PRKN: variants seen among roughly 807,000 people sequenced by gnomAD.
The protein encoded by PRKN is E3 ubiquitin-protein ligase parkin.
In PRKN, 56 loss-of-function variants were observed where a neutral mutation model predicts 59.5. That is an observed-to-expected ratio of 0.94 (90% confidence interval 0.76 to 1.18). The LOEUF (loss-of-function observed/expected upper bound fraction) is 1.18, where lower values mean the gene tolerates loss of function less well. PRKN is among the 50% of genes most tolerant of loss of function. The probability of loss-of-function intolerance (pLI) is 0.00; values close to 1 mark genes in which losing one functional copy is unlikely to be tolerated. For missense variants in PRKN, 657 were observed against 596.4 expected, an observed-to-expected ratio of 1.10 and a Z score of -1.06; for synonymous variants, 250 against 222.1, an observed-to-expected ratio of 1.13 and a Z score of -1.12.
chr6:162,726,748 A>G (rs1779222195), intron 1 of PRKN, among the ~76,000 whole-genome samples: 2 of 152,234 alleles, frequency 1.3e-5, no homozygotes, highest in Non-Finnish European at 2.9e-5. Flanking sequence ...GACCCTCCTC[A>G]GGAATAAACA....
chr6:161,805,701 T>C (rs992879963), intron 6 of PRKN, among the ~76,000 whole-genome samples: 4 of 152,216 alleles, frequency 2.6e-5, no homozygotes, highest in African/African-American at 9.6e-5. Context: ...GATTCTGTTT[T>C]CTAGAACACA....
intron 4 of PRKN, among the ~76,000 whole-genome samples, chr6:162,142,231 T>G (rs1781818668): frequency 2.0e-5 from 3 of 152,122 alleles, no homozygotes; most frequent in African/African-American, 4.8e-5. Context: ...CAACCCCAGG[T>G]CATGGGGTTA....
At chr6:162,539,730 G>A (rs1373893079) in intron 1 of PRKN, among the ~76,000 whole-genome samples, 2 of 152,192 alleles carry the variant, frequency 1.3e-5, no homozygotes, top group Non-Finnish European at 1.5e-5. Context: ...AGAAAATACT[G>A]GGCTGCTGAC....
In PRKN at chr6:161,763,010, G is replaced by T. The variant is rs113642201; in HGVS notation, c.871+22762C>A. On this transcript the variant is annotated intron_variant, in intron 7 of 11. Transcript: ENST00000366898. ...AGAGAGCATATAGAAATAAAACCCAGAATAGATGACAGTTTCTTAAGATAA... is the reference window on the plus strand; with the variant it reads ...AGAGAGCATATAGAAATAAAACCCATAATAGATGACAGTTTCTTAAGATAA... Among the ~76,000 whole-genome samples, 5 of 152,260 alleles carry T rather than the reference G, an allele frequency of 3.3e-5. 1 individual carries two copies. The highest frequency in any genetic ancestry group is 1.2e-4 in the African/African-American group (5 of 41,558).
chr6:161,924,694 G>C (rs1317441923), intron 6 of PRKN, among the ~76,000 whole-genome samples: 1 of 152,194 alleles, frequency 6.6e-6, no homozygotes, highest in Non-Finnish European at 1.5e-5. Context: ...CCCAGGGAAA[G>C]TGTTTGCATG....
intron 4 of PRKN, among the ~76,000 whole-genome samples, chr6:162,087,054 C>T (rs1051793478): frequency 6.6e-6 from 1 of 152,322 alleles, no homozygotes; most frequent in Admixed American, 6.5e-5. Context: ...GGACTCACTT[C>T]ATTTAGGGAC....
chr6:162,669,395 G>T (rs116940466), intron 1 of PRKN, among the ~76,000 whole-genome samples: 1,793 of 152,224 alleles, frequency 0.012, 13 homozygotes, highest in South Asian at 0.02. Flanking sequence ...TTTTAAAGAG[G>T]ACTGTTTATT....
At chr6:161,570,653 A>G (rs1184768866) in intron 7 of PRKN, among the ~76,000 whole-genome samples, 1 of 152,180 alleles carries the variant, frequency 6.6e-6, no homozygotes, top group Non-Finnish European at 1.5e-5. Context: ...CTTTAAGAAT[A>G]TAGTATATAA....
At chr6:162,263,495 G>A (rs921784615) in intron 2 of PRKN, among the ~76,000 whole-genome samples, 2 of 152,086 alleles carry the variant, frequency 1.3e-5, no homozygotes, top group African/African-American at 2.4e-5. Flanking sequence ...TCTTTCTGAC[G>A]ATTTAACCAT....
chr6:162,286,847 T>C (rs1781213678), intron 2 of PRKN, among the ~76,000 whole-genome samples: 1 of 152,198 alleles, frequency 6.6e-6, no homozygotes, highest in Non-Finnish European at 1.5e-5. Flanking sequence ...ACAACAAAAC[T>C]GGAGCTCAAA....
chr6:162,146,834 G>A (rs1469705699), intron 4 of PRKN, among the ~76,000 whole-genome samples: 1 of 151,840 alleles, frequency 6.6e-6, no homozygotes, highest in Non-Finnish European at 1.5e-5. Flanking sequence ...GGGCTCAAGT[G>A]ATTCTCTTGA....
intron 1 of PRKN, among the ~76,000 whole-genome samples, chr6:162,607,125 A>G (rs1781952762): frequency 6.6e-6 from 1 of 152,160 alleles, no homozygotes. Flanking sequence ...GTGCCTTTTG[A>G]GACATCCAAA....
rs560999744 is a variant in PRKN at position 161,443,268 on chromosome 6, C to T, written c.1084-56391G>A. Among the ~76,000 whole-genome samples, 3 of 151,012 alleles carry T rather than the reference C, an allele frequency of 2.0e-5. No individual in the cohort carries two copies. In the South Asian group the frequency reaches 6.3e-4, roughly 32 times the overall value. On this transcript the variant is annotated intron_variant, in intron 9 of 11. Transcript: ENST00000366898. Reference sequence around the variant, plus strand: ...GAGGTTGCAGTGAGCCAAGATTATACCACTGCACTCCAGCCTGGGTGACAG... The same window carrying T: ...GAGGTTGCAGTGAGCCAAGATTATATCACTGCACTCCAGCCTGGGTGACAG...
intron 1 of PRKN, among the ~76,000 whole-genome samples, chr6:162,457,375 A>C (rs12661450): frequency 0.19 from 29,496 of 152,056 alleles, 4,082 homozygotes; most frequent in East Asian, 0.39. Flanking sequence ...AATATCCCCC[A>C]AAAACATTTT....
At chr6:162,695,930 T>G (rs954013745) in intron 1 of PRKN, among the ~76,000 whole-genome samples, 4 of 152,168 alleles carry the variant, frequency 2.6e-5, no homozygotes, top group African/African-American at 9.7e-5. Context: ...ACTACTGATC[T>G]TGGGGCAGTT....
intron 9 of PRKN, among the ~76,000 whole-genome samples, chr6:161,437,048 G>A (rs780426345): frequency 2.0e-5 from 3 of 152,064 alleles, no homozygotes; most frequent in Non-Finnish European, 2.9e-5. Context: ...CTGAAATCAC[G>A]GGTAGTACCG....
At chr6:162,683,697 G>A (rs1252106829) in intron 1 of PRKN, among the ~76,000 whole-genome samples, 1 of 152,098 alleles carries the variant, frequency 6.6e-6, no homozygotes, top group African/African-American at 2.4e-5. Flanking sequence ...CCTCCAACAT[G>A]CAGCCTTCCT....
chr6:162,719,687 G>A (rs987421184), intron 1 of PRKN, among the ~76,000 whole-genome samples: 1 of 152,162 alleles, frequency 6.6e-6, no homozygotes, highest in Non-Finnish European at 1.5e-5. Flanking sequence ...GTTCCGGTCA[G>A]GCCACTCCTG....
At chr6:162,533,989 G>GA (rs1778616989) in intron 1 of PRKN, among the ~76,000 whole-genome samples, 1 of 119,930 alleles carries the variant, frequency 8.3e-6, no homozygotes, top group Non-Finnish European at 1.9e-5. Context: ...AAAAAAAAAA[G>GA]AGATATGAAG....
Sources: gnomAD v4.1 joint callset for allele counts (sites outside exome capture counted in the v4.1 genomes callset) on GRCh38, gnomAD v4.1.1 for gene constraint, MANE v1.5 for transcripts, NCBI Gene and HGNC (gene_info 2026-07-23, HGNC 2026-07-21) for gene names.